CCL16: variants seen among roughly 807,000 people sequenced by gnomAD.
The protein encoded by CCL16 is C-C motif chemokine 16.
Under a neutral mutation model 7.5 loss-of-function variants are expected in CCL16, and 6 were observed. That is an observed-to-expected ratio of 0.80 (90% CI 0.44 to 1.57). The LOEUF is 1.57. Ranked by LOEUF, CCL16 falls within the 40% of genes most tolerant of loss-of-function variation. CCL16 has a pLI of 0.01. For synonymous variants in CCL16, 60 were observed against 57.7 expected, an observed-to-expected ratio of 1.04 and a Z score of -0.18; for missense variants, 134 against 142.9, an observed-to-expected ratio of 0.94 and a Z score of 0.32.
chr17:35,980,860 C>A (rs1286769657), intron 1 of CCL16, among the ~76,000 whole-genome samples: 1 of 152,156 alleles, frequency 6.6e-6, no homozygotes, highest in Non-Finnish European at 1.5e-5. Context: ...GTCTGATAGT[C>A]CCAGCAACCT....
chr17:35,978,450 C>A (rs575510758), intron 1 of CCL16, among the ~76,000 whole-genome samples, 187 bp from the exon 2 acceptor site: 1 of 152,332 alleles, frequency 6.6e-6, no homozygotes, highest in South Asian at 2.1e-4. Flanking sequence ...ACATTTAGAA[C>A]CCTCAGCCTC....
intron 2 of CCL16, 131 bp downstream of exon 2, chr17:35,978,012 G>A (rs7216969): frequency 0.074 from 96,850 of 1,308,074 alleles, 4,101 homozygotes; most frequent in Admixed American, 0.16. Context: ...AGGCCCCTGA[G>A]AGCCAAAGGC....
At position 35,981,467 on chromosome 17, in the gene CCL16, T is replaced by C. The variant is rs919117996; in HGVS notation, c.-47A>G. On this transcript the variant is annotated 5_prime_UTR_variant, in exon 1 of 3. Transcript: ENST00000611905. ...CTTCAGGGAGAGCCGAATGAAGATG[T>C]TGTCTGTTGCTGGTGGTCCGCTTGC... The C allele has an allele frequency of 2.1e-6, 3 of 1,439,756 alleles. No individual in the cohort carries two copies. Among genetic ancestry groups the C allele is most frequent in the Admixed American group, 1.9e-5 (1 of 53,878 alleles). 89.2% of individuals were successfully genotyped at this position (1,439,756 alleles called of 1,614,324 possible).
intron 1 of CCL16, chr17:35,978,991 G>T (rs1382681847): frequency 6.6e-6 from 1 of 152,218 alleles, no homozygotes; most frequent in Admixed American, 6.5e-5. Context: ...AGCCAGGCAT[G>T]GTGGCACATG....
intron 1 of CCL16, among the ~76,000 whole-genome samples, chr17:35,980,019 G>A (rs1367354084): frequency 1.3e-5 from 2 of 152,092 alleles, no homozygotes; most frequent in African/African-American, 4.8e-5. Context: ...CCACTGCACT[G>A]GCCTGATTGA....
rs751547434 is a variant in CCL16 at position 35,977,734 on chromosome 17, G to A, written c.198-3C>T. ...CTCGGTTCCTCTTGGTGACGAAGCTGCAGAGGCAGAATTAGACCGTCATGG... is the reference window on the plus strand; with the variant it reads ...CTCGGTTCCTCTTGGTGACGAAGCTACAGAGGCAGAATTAGACCGTCATGG... On this transcript the variant is annotated splice_region_variant and splice_polypyrimidine_tract_variant and intron_variant, in intron 2 of 2. Coordinates refer to ENST00000611905, the MANE Select transcript of CCL16 (RefSeq NM_004590.4). 1 of 1,611,764 alleles carries A rather than the reference G, an allele frequency of 6.2e-7. No individual in the cohort carries two copies. The highest frequency in any genetic ancestry group is 1.7e-5 in the Admixed American group (1 of 59,990).
intron 2 of CCL16, 135 bp from the exon 3 acceptor site, chr17:35,977,866 T>A: frequency 1.0e-6 from 1 of 991,444 alleles, no homozygotes; most frequent in Non-Finnish European, 1.5e-6. Context: ...CTGGGTTCCC[T>A]CAGACAGCCT....
At position 35,976,658 on chromosome 17, in the gene CCL16, T is replaced by TA. The variant is rs2089638899; in HGVS notation, c.*907_*908insT. The TA allele has an allele frequency of 2.6e-5, 4 of 151,688 alleles. No homozygotes were observed. The South Asian group carries it at 8.3e-4, about 32-fold the overall frequency. 9.4% of individuals were successfully genotyped at this position (151,688 alleles called of 1,614,324 possible). ...CTTCTTCTTCTCTCTCTCTCTCTTTTTTTTTTTTTTCCAATCAGGCACTCT... is the reference window on the plus strand; with the variant it reads ...CTTCTTCTTCTCTCTCTCTCTCTTTTATTTTTTTTTTCCAATCAGGCACTCT... On this transcript the variant is annotated 3_prime_UTR_variant, in exon 3 of 3. Transcript: ENST00000611905.
At chr17:35,980,901 G>T (rs937091903) in intron 1 of CCL16, among the ~76,000 whole-genome samples, 11 of 152,108 alleles carry the variant, frequency 7.2e-5, no homozygotes, top group Non-Finnish European at 1.6e-4. Flanking sequence ...GGGCTCTCTC[G>T]GTTCAGACTC....
intron 1 of CCL16, among the ~76,000 whole-genome samples, chr17:35,979,274 T>A (rs560782638): frequency 6.2e-4 from 94 of 151,624 alleles, no homozygotes; most frequent in African/African-American, 2.3e-3. Context: ...TAGGAAGAAA[T>A]GAATGGGCAG....
chr17:35,979,608 T>C (rs898159198), intron 1 of CCL16, among the ~76,000 whole-genome samples: 1 of 152,104 alleles, frequency 6.6e-6, no homozygotes, highest in Admixed American at 6.5e-5. Context: ...ATGGTTAGAA[T>C]TCGGTGAGAA....
chr17:35,977,688 C>A lies in CCL16; in HGVS notation c.241G>T (p.Asp81Tyr). The A allele has an allele frequency of 6.2e-7, 1 of 1,612,182 alleles. No individual in the cohort carries two copies. Among genetic ancestry groups the A allele is most frequent in the Non-Finnish European group, 8.5e-7 (1 of 1,179,976 alleles). The change falls in exon 3 of 3, where the codon GAC becomes TAC. Residue 81 changes from aspartate to tyrosine, a missense_variant. Coordinates refer to ENST00000611905, the MANE Select transcript of CCL16 (RefSeq NM_004590.4). ...TTGATGTACTCTTGGACCCAGTCGT[C>A]ATTGGGGTTGGTGCAGACTTCTCGG... ...RNREVCTNPN[D>Y]DWVQEYIKDP...
In CCL16 at chr17:35,977,571, G is replaced by A; in HGVS notation, c.358C>T (p.Gln120Ter). 6.2e-7 allele frequency: 1 copy of A among 1,612,574 alleles called. No individual in the cohort carries two copies. The highest frequency in any genetic ancestry group is 2.2e-5 in the East Asian group (1 of 44,886). ...KNGQPQLLNS[Q>*] ...CTTCCACTAAAGCCTGGTCATCACT[G>A]GGAGTTGAGGAGCTGGGGTTGACCA... Residue 120 changes from glutamine to a stop codon, truncating the protein, a stop_gained, in exon 3 of 3, where the codon CAG becomes TAG. Transcript: ENST00000611905. LOFTEE classifies it high-confidence loss of function.
chr17:35,977,728 G>A lies in CCL16; in HGVS notation c.201C>T (p.Phe67=), dbSNP rs200922005. Residue 67 remains phenylalanine (F), a synonymous_variant, in exon 3 of 3, where the codon TTC becomes TTT. Transcript: ENST00000611905. ...AGACTTCTCGGTTCCTCTTGGTGAC[G>A]AAGCTGCAGAGGCAGAATTAGACCG... ...ALNCHLPAII[F]VTKRNREVCT... 4.3e-6 allele frequency: 7 copies of A among 1,611,916 alleles called. No homozygotes were observed. The highest frequency in any genetic ancestry group is 2.2e-5 in the East Asian group (1 of 44,890).
intron 2 of CCL16, 95 bp downstream of exon 2, chr17:35,978,048 C>A: frequency 1.9e-6 from 3 of 1,542,868 alleles, no homozygotes; most frequent in Non-Finnish European, 2.7e-6. Flanking sequence ...TGCTCCACTG[C>A]TTCTAGCATG....
At chr17:35,980,512 A>G in intron 1 of CCL16, 1 of 181,062 alleles carries the variant, frequency 5.5e-6, no homozygotes, top group Non-Finnish European at 1.1e-5. Flanking sequence ...CAAGAGCGAA[A>G]CTCCATCACA....
At chr17:35,978,669 G>T (rs1018472289) in intron 1 of CCL16, among the ~76,000 whole-genome samples, 1 of 152,228 alleles carries the variant, frequency 6.6e-6, no homozygotes, top group Non-Finnish European at 1.5e-5. Context: ...GGTTGAAAGA[G>T]AAATTGAAAA....
chr17:35,981,370 A>G lies in CCL16; in HGVS notation c.51T>C (p.Ile17=), dbSNP rs979038372. The change falls in exon 1 of 3, where the codon ATT becomes ATC. Residue 17 remains isoleucine (I), a synonymous_variant. Transcript: ENST00000611905. The stretch of plus-strand genomic sequence containing the variant: ...TTGGCTGGCTGCGAGAAGCCGAAGT[A>G]ATGATAAGGATGAGGACAAGGAGAG... ...ALSLLVLILI[I]TSASRSQPKV... is the part of the protein sequence containing the mutation. 1.2e-6 allele frequency: 2 copies of G among 1,613,038 alleles called. No homozygotes were observed. The highest frequency in any genetic ancestry group is 1.7e-6 in the Non-Finnish European group (2 of 1,179,562).
intron 1 of CCL16, chr17:35,980,521 C>CAAACA (rs71157586): frequency 0.024 from 4,388 of 184,284 alleles, 207 homozygotes; most frequent in African/African-American, 0.1. Context: ...AACTCCATCA[C>CAAACA]AAACAAAACA....
Sources: allele counts gnomAD v4.1 joint callset (sites outside exome capture counted in the v4.1 genomes callset), GRCh38; gene constraint gnomAD v4.1.1; transcripts MANE v1.5; gene names NCBI Gene and HGNC (gene_info 2026-07-23, HGNC 2026-07-21).